The following LRRC7 variants were observed in gnomAD, a reference collection of about 807,000 sequenced individuals.
The protein encoded by LRRC7 is leucine rich repeat containing 7.
A neutral mutation model predicts 175.7 loss-of-function variants in LRRC7; 23 were observed. The ratio of observed to expected loss-of-function variants is 0.13; its 90% CI spans 0.09 to 0.19. LRRC7 has a LOEUF of 0.19. Among genes scored for constraint, LRRC7 ranks in the 10% least tolerant of loss-of-function variants. The pLI is 1.00. For synonymous variants in LRRC7, 685 were observed against 680.9 expected, an observed-to-expected ratio of 1.01 and a Z score of -0.09; for missense variants, 1,354 against 1,904.7, an observed-to-expected ratio of 0.71 and a Z score of 5.38.
intron 2 of LRRC7, among the ~76,000 whole-genome samples, chr1:69,757,136 A>T (rs1246586626): frequency 6.6e-6 from 1 of 152,044 alleles, no homozygotes; most frequent in African/African-American, 2.4e-5. Context: ...GAGGACAAGT[A>T]GAAAGATATT....
chr1:69,763,533 G>T (rs1671269527), intron 3 of LRRC7, among the ~76,000 whole-genome samples: 1 of 152,020 alleles, frequency 6.6e-6, no homozygotes, highest in Non-Finnish European at 1.5e-5. Flanking sequence ...CTGTAATTGG[G>T]CTAAATAATA....
intron 24 of LRRC7, among the ~76,000 whole-genome samples, chr1:70,089,105 C>G (rs1052378802): frequency 1.3e-5 from 2 of 152,128 alleles, no homozygotes; most frequent in African/African-American, 2.4e-5. Context: ...TCTAAGGTTC[C>G]TAACTCCTAC....
At chr1:69,751,792 A>T (rs1226542220) in intron 2 of LRRC7, among the ~76,000 whole-genome samples, 1 of 152,172 alleles carries the variant, frequency 6.6e-6, no homozygotes. Flanking sequence ...TCTTAGAGGA[A>T]CTAATTTGCC....
intron 5 of LRRC7, among the ~76,000 whole-genome samples, chr1:69,830,972 A>G (rs1680465293): frequency 6.6e-6 from 1 of 151,966 alleles, no homozygotes. Context: ...TCTATGTAAT[A>G]AGCCAGATTC....
At chr1:69,885,167 A>G (rs1194339293) in intron 7 of LRRC7, among the ~76,000 whole-genome samples, 1 of 107,610 alleles carries the variant, frequency 9.3e-6, no homozygotes, top group African/African-American at 3.7e-5. Context: ...TTTTCTATTG[A>G]TTGGAATAGT....
At chr1:70,011,101 A>G (rs893734826) in intron 11 of LRRC7, among the ~76,000 whole-genome samples, 2 of 152,170 alleles carry the variant, frequency 1.3e-5, no homozygotes, top group Non-Finnish European at 2.9e-5. Context: ...CTAAAATACC[A>G]CTATATAAAT....
chr1:69,854,830 A>G (rs542031345), intron 7 of LRRC7, among the ~76,000 whole-genome samples: 1 of 152,160 alleles, frequency 6.6e-6, no homozygotes, highest in Non-Finnish European at 1.5e-5. Context: ...AAGTTTACAA[A>G]ATAAAATCTG....
At chr1:69,877,444 C>A (rs773777816) in intron 7 of LRRC7, among the ~76,000 whole-genome samples, 36 of 152,042 alleles carry the variant, frequency 2.4e-4, no homozygotes, top group Non-Finnish European at 4.1e-4. Context: ...CAGAACAAGA[C>A]CCTGTCTCTA....
rs998584982 is a variant in LRRC7 at position 69,749,470 on chromosome 1, G to T, written c.101-10721G>T. On this transcript the variant is annotated intron_variant, in intron 2 of 26. Coordinates refer to ENST00000651989, the MANE Select transcript of LRRC7 (RefSeq NM_001370785.2). Reference sequence around the variant, plus strand: ...AAGTGCTCCAAACTCAAATTCTGTGGATTTTGTTTAACAATGCACACTATG... The same window carrying T: ...AAGTGCTCCAAACTCAAATTCTGTGTATTTTGTTTAACAATGCACACTATG... Among the ~76,000 whole-genome samples, 4 of 152,206 alleles carry T rather than the reference G, an allele frequency of 2.6e-5. No homozygotes were observed. The East Asian group carries it at 5.8e-4, about 22-fold the overall frequency.
At chr1:69,921,409 T>C (rs1260287675) in intron 7 of LRRC7, among the ~76,000 whole-genome samples, 1 of 152,120 alleles carries the variant, frequency 6.6e-6, no homozygotes, top group African/African-American at 2.4e-5. Flanking sequence ...CAATATAGTA[T>C]TTAAAATACA....
At chr1:69,737,436 C>A (rs76798093) in intron 2 of LRRC7, among the ~76,000 whole-genome samples, 1 of 152,010 alleles carries the variant, frequency 6.6e-6, no homozygotes, top group Non-Finnish European at 1.5e-5. Flanking sequence ...TGTAGATGTG[C>A]GAGTCCATTA....
chr1:69,753,269 A>G (rs1299884164), intron 2 of LRRC7, among the ~76,000 whole-genome samples: 1 of 149,278 alleles, frequency 6.7e-6, no homozygotes, highest in Admixed American at 6.8e-5. Context: ...AGTATCCTTT[A>G]CATAAATCAT....
intron 1 of LRRC7, among the ~76,000 whole-genome samples, chr1:69,643,444 C>T (rs1145929): frequency 0.22 from 33,472 of 151,988 alleles, 4,168 homozygotes; most frequent in South Asian, 0.29. Flanking sequence ...ACATGAGGGC[C>T]CAACAAAACA....
Position 69,699,992 on chromosome 1 carries a change from C to T in LRRC7, c.100+21514C>T, listed in dbSNP as rs1884581. ...GTAGAGGGTAGCATCATTGACTTCA[C>T]CCCTGGGTGGAAAATGTACTCATGT... On this transcript the variant is annotated intron_variant, in intron 2 of 26. Coordinates refer to ENST00000651989, the MANE Select transcript of LRRC7 (RefSeq NM_001370785.2). Among the ~76,000 whole-genome samples, 13 of 152,234 alleles carry T rather than the reference C, an allele frequency of 8.5e-5. No individual in the cohort carries two copies. The East Asian group carries it at 2.1e-3, about 25-fold the overall frequency.
chr1:69,615,252 G>A (rs576571482), intron 1 of LRRC7, among the ~76,000 whole-genome samples: 7 of 151,780 alleles, frequency 4.6e-5, no homozygotes, highest in East Asian at 1.9e-4. Flanking sequence ...CCCTTTCCTC[G>A]TAATAAGATT....
chr1:69,910,432 A>G (rs1262651713), intron 7 of LRRC7, among the ~76,000 whole-genome samples: 1 of 152,018 alleles, frequency 6.6e-6, no homozygotes, highest in Non-Finnish European at 1.5e-5. Context: ...GGTCTGTTGG[A>G]GTTTGCTAGA....
chr1:69,697,438 GT>G (rs1252017475), intron 2 of LRRC7, among the ~76,000 whole-genome samples: 2 of 152,186 alleles, frequency 1.3e-5, no homozygotes, highest in African/African-American at 4.8e-5. Context: ...TACTTTTCAT[GT>G]TTTTTAATCA....
At chr1:69,755,686 TA>T in intron 2 of LRRC7, among the ~76,000 whole-genome samples, 1 of 151,824 alleles carries the variant, frequency 6.6e-6, no homozygotes, top group Non-Finnish European at 1.5e-5. Context: ...AAATATTGGG[TA>T]CCAGGCAAGA....
intron 7 of LRRC7, among the ~76,000 whole-genome samples, chr1:69,905,212 G>T (rs1646260068): frequency 6.6e-6 from 1 of 151,784 alleles, no homozygotes; most frequent in African/African-American, 2.4e-5. Flanking sequence ...ATCCAATAAT[G>T]GGATTGCTGG....
Sources: gnomAD v4.1 joint callset for allele counts (sites outside exome capture counted in the v4.1 genomes callset) on GRCh38, gnomAD v4.1.1 for gene constraint, MANE v1.5 for transcripts, NCBI Gene and HGNC (gene_info 2026-07-23, HGNC 2026-07-21) for gene names.